Variants in PCDHA3 observed in about 807,000 individuals in gnomAD.
The protein encoded by PCDHA3 is protocadherin alpha-3.
PCDHA3 carries 41 observed loss-of-function variants against 62.2 expected under a neutral mutation model. That is an observed-to-expected ratio of 0.66 (90% CI 0.51 to 0.86). The LOEUF is 0.86. Ranked by LOEUF, PCDHA3 falls within the 40% of genes least tolerant of loss-of-function variation. The pLI is 0.00. For synonymous variants in PCDHA3, 640 were observed against 555.4 expected (o/e 1.15, Z -2.14); for missense variants, 1,304 against 1,241.2 (o/e 1.05, Z -0.76).
intron 1 of PCDHA3, chr5:140,851,680 A>G (rs2042128414): frequency 2.2e-6 from 2 of 918,856 alleles, no homozygotes; most frequent in African/African-American, 3.6e-5. Flanking sequence ...AATTTTCTCC[A>G]TTCAGTGATA....
At chr5:140,992,319 T>C (rs1474763849) in intron 3 of PCDHA3, among the ~76,000 whole-genome samples, 1 of 152,174 alleles carries the variant, frequency 6.6e-6, no homozygotes, top group Admixed American at 6.6e-5. Context: ...GGGCATTCCC[T>C]TTTCTAAGAG....
intron 1 of PCDHA3, chr5:140,808,582 G>A: frequency 6.2e-7 from 1 of 1,614,070 alleles, no homozygotes; most frequent in East Asian, 2.2e-5. Context: ...TGTTCGTGAA[G>A]GAGAACAACC....
intron 1 of PCDHA3, chr5:140,967,993 T>C (rs372478638): frequency 1.5e-5 from 24 of 1,614,206 alleles, no homozygotes; most frequent in Non-Finnish European, 1.2e-5. Flanking sequence ...CCACACTGCC[T>C]TTCCGACTGA....
chr5:140,852,204 A>G lies in PCDHA3; in HGVS notation c.2394+48613A>G, dbSNP rs2150513408. On this transcript the variant is annotated intron_variant, in intron 1 of 3. Transcript: ENST00000522353. The stretch of plus-strand genomic sequence containing the variant: ...ATGAAAATGCCAGTAACGTTTATTT[A>G]AAACAAAATATTTTAATTTTTAAAT... The G allele has an allele frequency of 7.5e-6, 5 of 666,504 alleles. No homozygotes were observed. The African/African-American group carries it at 9.8e-5, about 13-fold the overall frequency. 41.3% of individuals were successfully genotyped at this position (666,504 alleles called of 1,614,324 possible).
chr5:140,862,497 A>G (rs1337501785), intron 1 of PCDHA3: 1 of 394,588 alleles, frequency 2.5e-6, no homozygotes, highest in Non-Finnish European at 5.1e-6. Flanking sequence ...ATCGCTCGGA[A>G]TGGGGACTCG....
At chr5:140,880,861 T>C (rs1416708298) in intron 1 of PCDHA3, among the ~76,000 whole-genome samples, 1 of 152,188 alleles carries the variant, frequency 6.6e-6, no homozygotes, top group African/African-American at 2.4e-5. Context: ...AGTCTAATTA[T>C]GTGAAGAGGT....
chr5:140,914,944 CTTTTT>C (rs35695909), intron 1 of PCDHA3, among the ~76,000 whole-genome samples: 1 of 128,266 alleles, frequency 7.8e-6, no homozygotes, highest in Non-Finnish European at 1.7e-5. Context: ...GAAAAGTTGT[CTTTTT>C]TTTTTTTTTT....
At position 140,843,280 on chromosome 5, in the gene PCDHA3, T is replaced by A. The variant is rs2150356364; in HGVS notation, c.2394+39689T>A. ...ACCGTCTGCTGGTCCTGGTGAAGGA[T>A]CATGGTGAACCTGCGCTGACCGCCA... On this transcript the variant is annotated intron_variant, in intron 1 of 3. Coordinates refer to ENST00000522353, the MANE Select transcript of PCDHA3 (RefSeq NM_018906.3). 5.0e-6 allele frequency: 8 copies of A among 1,595,708 alleles called. 1 individual carries two copies. The African/African-American group carries it at 6.7e-5, about 13-fold the overall frequency.
intron 1 of PCDHA3, chr5:140,869,835 A>T (rs782478328): frequency 1.2e-6 from 2 of 1,611,774 alleles, no homozygotes; most frequent in South Asian, 2.2e-5. Context: ...AGTTTGATAA[A>T]TCAGAATATA....
rs376607115 is a variant in PCDHA3 at position 141,006,474 on chromosome 5, A to G, written c.2543-3153A>G. Among the ~76,000 whole-genome samples, 193 of 152,188 alleles carry G rather than the reference A, an allele frequency of 1.3e-3. 1 individual carries two copies. The highest frequency in any genetic ancestry group is 4.5e-3 in the African/African-American group (185 of 41,520). ...GAGATCTGCCTGTCTCGGCCTCCCA[A>G]AGTGCTGGGATTACATGTGTGAGCC... On this transcript the variant is annotated intron_variant, in intron 3 of 3. Transcript: ENST00000522353.
At chr5:140,831,691 C>A (rs2150109264) in intron 1 of PCDHA3, among the ~76,000 whole-genome samples, 1 of 152,138 alleles carries the variant, frequency 6.6e-6, no homozygotes, top group Admixed American at 6.6e-5. Context: ...TGAAAAGCAG[C>A]AAAAAGTAGT....
chr5:140,803,063 T>C lies in PCDHA3; in HGVS notation c.1866T>C (p.Phe622=), dbSNP rs374457025. The change falls in exon 1 of 4, where the codon TTT becomes TTC. Residue 622 remains phenylalanine, a synonymous_variant. Coordinates refer to ENST00000522353, the MANE Select transcript of PCDHA3 (RefSeq NM_018906.3). ...GGACCGGCGGTGCGCGCATCCCGTT[T>C]CGCGTGGGGCTGTACACGGGAGAGA... ...QPGTGGARIP[F]RVGLYTGEIS... 2.0e-5 allele frequency: 32 copies of C among 1,613,978 alleles called. No homozygotes were observed. In the South Asian group the frequency reaches 3.3e-4, roughly 17 times the overall value.
At chr5:140,964,658 G>T (rs2095846855) in intron 1 of PCDHA3, among the ~76,000 whole-genome samples, 1 of 151,968 alleles carries the variant, frequency 6.6e-6, no homozygotes, top group Admixed American at 6.6e-5. Context: ...AATGGGTGAG[G>T]ACACAGGCCA....
intron 3 of PCDHA3, among the ~76,000 whole-genome samples, chr5:140,994,795 G>A (rs2097650396): frequency 6.6e-6 from 1 of 152,184 alleles, no homozygotes; most frequent in Admixed American, 6.6e-5. Flanking sequence ...ATGCGTGCAT[G>A]CAAAAACAAA....
rs2150168385 is a variant in PCDHA3 at position 140,829,460 on chromosome 5, C to T, written c.2394+25869C>T. On this transcript the variant is annotated intron_variant, in intron 1 of 3. Transcript: ENST00000522353. ...GAATGACAATGCTCCGGCGTTCGCG[C>T]AGCCCGAGTACACAGTGTTCGTGAA... 20 of 1,613,778 alleles carry T rather than the reference C, an allele frequency of 1.2e-5. No homozygotes were observed. The African/African-American group carries it at 2.5e-4, about 20-fold the overall frequency.
At chr5:140,870,201 G>A in intron 1 of PCDHA3, 2 of 1,614,140 alleles carry the variant, frequency 1.2e-6, no homozygotes, top group Non-Finnish European at 8.5e-7. Context: ...AGCCCAGCAC[G>A]GTCATTGCCC....
At chr5:140,990,273 G>A (rs2097384089) in intron 3 of PCDHA3, among the ~76,000 whole-genome samples, 2 of 152,100 alleles carry the variant, frequency 1.3e-5, no homozygotes, top group African/African-American at 4.8e-5. Flanking sequence ...AATGTACCCC[G>A]GGTCTTGAGA....
intron 1 of PCDHA3, among the ~76,000 whole-genome samples, chr5:140,881,030 A>G (rs959156727): frequency 6.6e-6 from 1 of 152,234 alleles, no homozygotes; most frequent in Non-Finnish European, 1.5e-5. Flanking sequence ...CCCAACAGTC[A>G]TTTCCTATAG....
At chr5:140,836,382 G>T in intron 1 of PCDHA3, 1 of 1,613,752 alleles carries the variant, frequency 6.2e-7, no homozygotes, top group Non-Finnish European at 8.5e-7. Flanking sequence ...CACCGTGCTG[G>T]TGTCGCTGGT....
Sources: gnomAD v4.1 joint callset for allele counts (sites outside exome capture counted in the v4.1 genomes callset) on GRCh38, gnomAD v4.1.1 for gene constraint, MANE v1.5 for transcripts, NCBI Gene and HGNC (gene_info 2026-07-23, HGNC 2026-07-21) for gene names.